The following ZNF678 variants were observed in gnomAD, a reference collection of about 807,000 sequenced individuals.
ZNF678 encodes zinc finger protein 678.
ZNF678 carries 5 observed loss-of-function variants against 3.0 expected under a neutral mutation model. The observed-to-expected ratio is 1.69, with a 90% CI of 0.88 to 3.56. The LOEUF (loss-of-function observed/expected upper bound fraction) is 3.56. Among genes scored for constraint, ZNF678 ranks in the 30% most tolerant of loss-of-function variants. The pLI, the probability that ZNF678 is intolerant of heterozygous loss-of-function variation, is 0.00. For synonymous variants in ZNF678, 218 were observed against 199.6 expected (o/e 1.09, Z -0.78); for missense variants, 593 against 605.0 (o/e 0.98, Z 0.21).
intron 1 of ZNF678, among the ~76,000 whole-genome samples, chr1:227,620,320 C>T (rs1658249543): frequency 6.6e-6 from 1 of 152,080 alleles, no homozygotes. Context: ...TTTGAGTTTT[C>T]AGTAAGTTAA....
chr1:227,645,162 T>C (rs1204316391), intron 1 of ZNF678, among the ~76,000 whole-genome samples: 1 of 152,224 alleles, frequency 6.6e-6, no homozygotes. Flanking sequence ...AGTAGCTTTT[T>C]CTGCATTTCA....
rs1325095695 is a variant in ZNF678 at position 227,656,223 on chromosome 1, T to G, written c.*395T>G. The G allele has an allele frequency of 6.5e-6, 1 of 153,778 alleles. No individual in the cohort carries two copies. Among genetic ancestry groups the G allele is most frequent in the Non-Finnish European group, 1.4e-5 (1 of 69,236 alleles). The allele number at this position is 153,778 out of a possible 1,614,324, so 9.5% of individuals were successfully genotyped here. A position where few individuals can be genotyped will look rare whatever the true frequency, so the allele number is the denominator to read the frequency against. ...CCAAAATTAAGTCTAAATAAAACAT[T>G]ACATAATTTACTGTAGAAAGTACTA... On this transcript the variant is annotated 3_prime_UTR_variant, in exon 4 of 4. Coordinates refer to ENST00000343776, the MANE Select transcript of ZNF678 (RefSeq NM_001367909.1).
rs1316799915 is a variant in ZNF678 at position 227,661,940 on chromosome 1, C to T, written c.*6112C>T. The T allele has an allele frequency of 6.6e-6, 1 of 152,258 alleles. No individual in the cohort carries two copies. Among genetic ancestry groups the T allele is most frequent in the Middle Eastern group, 3.4e-3 (1 of 294 alleles). 9.4% of individuals were successfully genotyped at this position (152,258 alleles called of 1,614,324 possible). The stretch of plus-strand genomic sequence containing the variant: ...AGCTTAGACTCATTTTTATACTACT[C>T]GGGGGACAAGGAGGGAACTACAGTC... On this transcript the variant is annotated 3_prime_UTR_variant, in exon 4 of 4. Coordinates refer to ENST00000343776, the MANE Select transcript of ZNF678 (RefSeq NM_001367909.1).
rs772685648 is a variant in ZNF678 at position 227,646,712 on chromosome 1, C to T, written c.-37+42C>T. The T allele has an allele frequency of 2.6e-5, 35 of 1,346,678 alleles. No homozygotes were observed. The Middle Eastern group carries it at 6.4e-4, about 25-fold the overall frequency. The allele number at this position is 1,346,678 out of a possible 1,614,324, so 83.4% of individuals were successfully genotyped here. The stretch of plus-strand genomic sequence containing the variant: ...TACACAATTTATGTATTTCATACTA[C>T]GGATTCCATATTTTTCACTCCTGAA... On this transcript the variant is annotated intron_variant, in intron 2 of 3. Coordinates refer to ENST00000343776, the MANE Select transcript of ZNF678 (RefSeq NM_001367909.1).
chr1:227,579,607 C>T (rs925125594), intron 1 of ZNF678, among the ~76,000 whole-genome samples: 3 of 152,142 alleles, frequency 2.0e-5, no homozygotes, highest in Non-Finnish European at 4.4e-5. Flanking sequence ...AGGGAACAGA[C>T]AGGCTTGTGC....
chr1:227,665,553 C>T (rs1217479551), downstream of ZNF678, among the ~76,000 whole-genome samples: 2 of 152,154 alleles, frequency 1.3e-5, no homozygotes, highest in Non-Finnish European at 1.5e-5. Flanking sequence ...GTACACTTAC[C>T]TGGCAAAGAG....
At chr1:227,614,329 A>G (rs569601948) in intron 1 of ZNF678, among the ~76,000 whole-genome samples, 37 of 152,352 alleles carry the variant, frequency 2.4e-4, no homozygotes, top group African/African-American at 8.9e-4. Flanking sequence ...CTACTGCAAC[A>G]TAAACCTTAT....
intron 1 of ZNF678, among the ~76,000 whole-genome samples, chr1:227,595,809 A>T (rs1218809039): frequency 2.6e-5 from 4 of 152,256 alleles, no homozygotes; most frequent in African/African-American, 9.6e-5. Flanking sequence ...GAGTGCTGGT[A>T]CAGGCACACC....
At chr1:227,653,308 G>C (rs556050735) in intron 3 of ZNF678, among the ~76,000 whole-genome samples, 5 of 150,630 alleles carry the variant, frequency 3.3e-5, no homozygotes, top group Non-Finnish European at 7.4e-5. Context: ...TTATTTTCTT[G>C]TATTCTTCAG....
At chr1:227,608,050 A>C (rs2102757059) in intron 1 of ZNF678, among the ~76,000 whole-genome samples, 1 of 151,980 alleles carries the variant, frequency 6.6e-6, no homozygotes, top group East Asian at 1.9e-4. Flanking sequence ...ATTTTTGATT[A>C]CTTAAAAAAA....
chr1:227,599,655 A>ATTTTTTT (rs1402251001), intron 1 of ZNF678, among the ~76,000 whole-genome samples: 1 of 151,638 alleles, frequency 6.6e-6, no homozygotes, highest in Admixed American at 6.6e-5. Flanking sequence ...CTATTAGAGA[A>ATTTTTTT]TTTTTTTTTC....
At chr1:227,637,086 C>T (rs1658697698) in intron 1 of ZNF678, among the ~76,000 whole-genome samples, 1 of 151,978 alleles carries the variant, frequency 6.6e-6, no homozygotes, top group Non-Finnish European at 1.5e-5. Flanking sequence ...ATTCCAGTAT[C>T]CTTGATGTAG....
At chr1:227,610,371 T>G (rs1384619367) in intron 1 of ZNF678, among the ~76,000 whole-genome samples, 2 of 152,210 alleles carry the variant, frequency 1.3e-5, no homozygotes, top group Admixed American at 6.5e-5. Context: ...GTTCAATACC[T>G]TACTTGTTTT....
At chr1:227,581,074 G>T (rs1043764196) in intron 1 of ZNF678, among the ~76,000 whole-genome samples, 1 of 152,016 alleles carries the variant, frequency 6.6e-6, no homozygotes, top group Non-Finnish European at 1.5e-5. Flanking sequence ...AATGAAAAAG[G>T]TTTAATAAAT....
intron 1 of ZNF678, among the ~76,000 whole-genome samples, chr1:227,606,698 A>G (rs1657881266): frequency 6.6e-6 from 1 of 152,002 alleles, no homozygotes; most frequent in Admixed American, 6.6e-5. Context: ...GACAATACCC[A>G]GCCTTTCTTG....
At chr1:227,640,176 G>C (rs1483200627) in intron 1 of ZNF678, among the ~76,000 whole-genome samples, 1 of 152,174 alleles carries the variant, frequency 6.6e-6, no homozygotes, top group Non-Finnish European at 1.5e-5. Flanking sequence ...CGGGGCATAA[G>C]GTGGTGGGAT....
chr1:227,644,636 C>T (rs937975631), intron 1 of ZNF678, among the ~76,000 whole-genome samples: 2 of 152,076 alleles, frequency 1.3e-5, no homozygotes, highest in African/African-American at 2.4e-5. Flanking sequence ...CTTACAGAAG[C>T]CAGTTAATAG....
At chr1:227,610,577 A>G (rs1161450691) in intron 1 of ZNF678, among the ~76,000 whole-genome samples, 1 of 152,184 alleles carries the variant, frequency 6.6e-6, no homozygotes, top group African/African-American at 2.4e-5. Flanking sequence ...CAGGGTCATC[A>G]TTAAGGGAGG....
Position 227,599,737 on chromosome 1 carries a change from C to T in ZNF678, c.-164+36013C>T, listed in dbSNP as rs949358457. 2.0e-5 allele frequency among the ~76,000 whole-genome samples: 3 copies of T among 151,962 alleles called. No homozygotes were observed. In the South Asian group the frequency reaches 6.2e-4, roughly 31 times the overall value. On this transcript the variant is annotated intron_variant, in intron 1 of 3. Coordinates refer to ENST00000343776, the MANE Select transcript of ZNF678 (RefSeq NM_001367909.1). ...AAATCTTTGAAGAATTAATAAACAC[C>T]GTACATGAATGTTGCTTTAATATTC...
Sources: gnomAD v4.1 joint callset for allele counts (sites outside exome capture counted in the v4.1 genomes callset) on GRCh38, gnomAD v4.1.1 for gene constraint, MANE v1.5 for transcripts, NCBI Gene and HGNC (gene_info 2026-07-23, HGNC 2026-07-21) for gene names.